Variants in DLGAP2 observed in about 807,000 individuals in gnomAD.
DLGAP2 encodes DLG associated protein 2, also known as disks large-associated protein 2.
DLGAP2 carries 26 observed loss-of-function variants against 100.3 expected under a neutral mutation model. That is an observed-to-expected ratio of 0.26 (90% CI 0.19 to 0.36). The LOEUF is 0.36. DLGAP2 is among the 10% of genes least tolerant of loss of function. The pLI, the probability that DLGAP2 is intolerant of heterozygous loss-of-function variation, is 1.00. For missense variants in DLGAP2, 1,858 were observed against 1,453.2 expected, an observed-to-expected ratio of 1.28 and a Z score of -4.53; for synonymous variants, 886 against 630.1, an observed-to-expected ratio of 1.41 and a Z score of -6.08.
chr8:803,500 C>T (rs1285077286), intron 1 of DLGAP2, among the ~76,000 whole-genome samples: 1 of 151,916 alleles, frequency 6.6e-6, no homozygotes, highest in African/African-American at 2.4e-5. Context: ...AAATGGGAGC[C>T]CAGGAAAGCT....
intron 2 of DLGAP2, among the ~76,000 whole-genome samples, chr8:1,180,708 G>A (rs1287608778): frequency 6.6e-6 from 1 of 151,520 alleles, no homozygotes; most frequent in Non-Finnish European, 1.5e-5. Flanking sequence ...GAGTGTGTGT[G>A]GGTGTGCAAG....
intron 1 of DLGAP2, among the ~76,000 whole-genome samples, chr8:799,744 A>G (rs1481247717): frequency 1.3e-5 from 2 of 152,166 alleles, no homozygotes; most frequent in East Asian, 3.9e-4. Context: ...CCATGGGTGC[A>G]CGCCCCCACA....
intron 2 of DLGAP2, among the ~76,000 whole-genome samples, chr8:1,025,160 G>T (rs145888907): frequency 2.0e-5 from 3 of 151,990 alleles, no homozygotes; most frequent in Non-Finnish European, 4.4e-5. Flanking sequence ...GTGTGCGCAC[G>T]TGTGTGTGTC....
chr8:1,191,998 G>C (rs2116731991), intron 2 of DLGAP2, among the ~76,000 whole-genome samples: 1 of 152,320 alleles, frequency 6.6e-6, no homozygotes, highest in South Asian at 2.1e-4. Context: ...ATCACAGCAT[G>C]GGGCTGTGAG....
At chr8:768,582 G>A (rs1314021643) in intron 1 of DLGAP2, among the ~76,000 whole-genome samples, 1 of 151,604 alleles carries the variant, frequency 6.6e-6, no homozygotes. Context: ...TTGCCACCAT[G>A]CCCGGCTAAT....
chr8:1,420,673 G>A (rs553285235), intron 3 of DLGAP2, among the ~76,000 whole-genome samples: 8 of 152,016 alleles, frequency 5.3e-5, no homozygotes, highest in Non-Finnish European at 7.4e-5. Flanking sequence ...ATTCCCTCTC[G>A]CCAAAATGCC....
intron 3 of DLGAP2, among the ~76,000 whole-genome samples, chr8:1,306,268 A>G (rs879514497): frequency 1.3e-5 from 2 of 152,182 alleles, no homozygotes; most frequent in African/African-American, 4.8e-5. Flanking sequence ...TTAACACACA[A>G]AAATCACTAG....
intron 3 of DLGAP2, among the ~76,000 whole-genome samples, chr8:1,298,529 T>C (rs922378923): frequency 3.3e-5 from 5 of 152,086 alleles, no homozygotes; most frequent in Non-Finnish European, 7.4e-5. Flanking sequence ...AGAGGCAGCG[T>C]ACCCTGCAGA....
intron 2 of DLGAP2, among the ~76,000 whole-genome samples, chr8:1,102,381 A>G (rs916391289): frequency 1.1e-4 from 16 of 148,690 alleles, no homozygotes; most frequent in Non-Finnish European, 1.6e-4. Context: ...TATATAATTT[A>G]TAGATACATA....
chr8:1,308,262 A>G (rs771324111), intron 3 of DLGAP2, among the ~76,000 whole-genome samples: 5 of 152,222 alleles, frequency 3.3e-5, no homozygotes, highest in Non-Finnish European at 7.3e-5. Flanking sequence ...ATATCTGTCA[A>G]CATACTAGCT....
intron 3 of DLGAP2, among the ~76,000 whole-genome samples, chr8:1,409,711 G>T (rs897562228): frequency 3.9e-5 from 6 of 152,126 alleles, no homozygotes; most frequent in Non-Finnish European, 8.8e-5. Flanking sequence ...GTGCAGGTGG[G>T]CCTCCCCCAG....
intron 6 of DLGAP2, among the ~76,000 whole-genome samples, chr8:1,625,501 A>C (rs563396994): frequency 6.6e-6 from 1 of 152,350 alleles, no homozygotes; most frequent in East Asian, 1.9e-4. Context: ...TGTGCTTATA[A>C]AATGGTTTTC....
At position 789,431 on chromosome 8, in the gene DLGAP2, A is replaced by G. The variant is rs1401771535; in HGVS notation, c.18+51606A>G. ...AGAACTCACTCACTATCACAAGAAC[A>G]GCAAGGGGAAATCCACCCCTGTGAT... On this transcript the variant is annotated intron_variant, in intron 1 of 14. Coordinates refer to ENST00000637795, the MANE Select transcript of DLGAP2 (RefSeq NM_001346810.2). Among the ~76,000 whole-genome samples, 5 of 152,172 alleles carry G rather than the reference A, an allele frequency of 3.3e-5. 1 individual carries two copies. Among genetic ancestry groups the G allele is most frequent in the Admixed American group, 3.3e-4 (5 of 15,274 alleles).
intron 1 of DLGAP2, among the ~76,000 whole-genome samples, chr8:823,143 C>G (rs928330582): frequency 6.6e-6 from 1 of 152,034 alleles, no homozygotes; most frequent in Non-Finnish European, 1.5e-5. Context: ...TTCACACGTT[C>G]TGGCTCAGAG....
intron 2 of DLGAP2, among the ~76,000 whole-genome samples, chr8:1,125,557 G>A (rs1057034247): frequency 1.3e-5 from 2 of 151,962 alleles, no homozygotes; most frequent in African/African-American, 2.4e-5. Flanking sequence ...TAAAAATAGG[G>A]GCTATTTCTT....
intron 3 of DLGAP2, among the ~76,000 whole-genome samples, chr8:1,483,657 A>G (rs57507362): frequency 2.3e-4 from 3 of 12,922 alleles, no homozygotes; most frequent in African/African-American, 1.1e-3. Context: ...GAGGGCGTCT[A>G]CACAGAGCAG....
intron 1 of DLGAP2, among the ~76,000 whole-genome samples, chr8:848,183 G>A (rs895331043): frequency 9.9e-5 from 15 of 152,162 alleles, no homozygotes; most frequent in Non-Finnish European, 2.1e-4. Context: ...CTTCCAGTTC[G>A]CACGATGTAT....
At chr8:1,508,073 T>C (rs968975249) in intron 4 of DLGAP2, among the ~76,000 whole-genome samples, 4 of 151,968 alleles carry the variant, frequency 2.6e-5, no homozygotes, top group Non-Finnish European at 5.9e-5. Flanking sequence ...CACTGCATTT[T>C]AACAACCCCG....
intron 1 of DLGAP2, among the ~76,000 whole-genome samples, chr8:863,441 T>C (rs1255315655): frequency 1.3e-5 from 2 of 152,350 alleles, no homozygotes; most frequent in East Asian, 1.9e-4. Flanking sequence ...TGTAAACAGA[T>C]ACAGCACCTT....
Sources: gnomAD v4.1 joint callset for allele counts (sites outside exome capture counted in the v4.1 genomes callset) on GRCh38, gnomAD v4.1.1 for gene constraint, MANE v1.5 for transcripts, NCBI Gene and HGNC (gene_info 2026-07-23, HGNC 2026-07-21) for gene names.